EML6: variants seen among roughly 807,000 people sequenced by gnomAD.
The protein encoded by EML6 is echinoderm microtubule-associated protein-like 6.
EML6 carries 154 observed loss-of-function variants against 240.1 expected under a neutral mutation model. The observed-to-expected ratio is 0.64, with a 90% CI of 0.56 to 0.73. The LOEUF is 0.73. Among genes scored for constraint, EML6 ranks in the 30% least tolerant of loss-of-function variants. The pLI, the probability that EML6 is intolerant of heterozygous loss-of-function variation, is 0.00. For synonymous variants in EML6, 1,148 were observed against 899.0 expected, an observed-to-expected ratio of 1.28 and a Z score of -4.95; for missense variants, 2,964 against 2,474.6, an observed-to-expected ratio of 1.20 and a Z score of -4.20.
chr2:54,734,226 T>C (rs1431634390), intron 2 of EML6, among the ~76,000 whole-genome samples: 2 of 152,152 alleles, frequency 1.3e-5, no homozygotes, highest in African/African-American at 4.8e-5. Flanking sequence ...TAATCCCAGC[T>C]ACTCAAGAGG....
chr2:54,846,520 G>C (rs902559016), intron 8 of EML6, among the ~76,000 whole-genome samples: 17 of 145,592 alleles, frequency 1.2e-4, no homozygotes, highest in Non-Finnish European at 1.9e-4. Flanking sequence ...GCCTTGCTCT[G>C]TTTCCCAGGC....
At chr2:54,840,544 G>A (rs1036837840) in intron 7 of EML6, among the ~76,000 whole-genome samples, 1 of 152,156 alleles carries the variant, frequency 6.6e-6, no homozygotes, top group African/African-American at 2.4e-5. Flanking sequence ...AAGCTCCACT[G>A]TCAGGCACAG....
chr2:54,749,806 G>T (rs370284725), intron 2 of EML6, among the ~76,000 whole-genome samples: 8 of 152,254 alleles, frequency 5.3e-5, no homozygotes, highest in Admixed American at 5.2e-4. Flanking sequence ...CCTAATTTAC[G>T]TAATTGTCTG....
intron 17 of EML6, among the ~76,000 whole-genome samples, chr2:54,884,051 T>C (rs78570622): frequency 0.022 from 3,314 of 152,274 alleles, 111 homozygotes; most frequent in African/African-American, 0.072. Context: ...CAATTCTGTT[T>C]GCTGAGTATT....
intron 17 of EML6, 99 bp downstream of exon 17, chr2:54,879,739 G>A: frequency 1.3e-6 from 1 of 778,786 alleles, no homozygotes; most frequent in Non-Finnish European, 2.1e-6. Flanking sequence ...TTCAAACTCA[G>A]GTGAAATTGA....
chr2:54,758,012 A>G (rs1030688512), intron 2 of EML6, among the ~76,000 whole-genome samples: 3 of 152,014 alleles, frequency 2.0e-5, no homozygotes, highest in Non-Finnish European at 4.4e-5. Context: ...GCATAGATAA[A>G]TGCTTTAAAA....
intron 21 of EML6, among the ~76,000 whole-genome samples, chr2:54,899,220 A>G (rs528761085): frequency 3.3e-5 from 5 of 152,242 alleles, no homozygotes; most frequent in Admixed American, 2.0e-4. Flanking sequence ...CATCTTTTAG[A>G]ATATGATTTA....
intron 2 of EML6, among the ~76,000 whole-genome samples, chr2:54,727,193 CAGTT>C (rs1262365204): frequency 1.5e-5 from 2 of 137,318 alleles, no homozygotes; most frequent in African/African-American, 2.9e-5. Context: ...GAAAAAGAGA[CAGTT>C]AGCATCTGAT....
intron 3 of EML6, among the ~76,000 whole-genome samples, chr2:54,816,085 A>G (rs1668069654): frequency 1.3e-5 from 2 of 152,238 alleles, no homozygotes; most frequent in Non-Finnish European, 2.9e-5. Flanking sequence ...CTTATAGTTC[A>G]GATTTCTTAC....
At chr2:54,820,334 T>G (rs1668273980) in intron 4 of EML6, 60 bp from the exon 5 acceptor site, 1 of 1,078,314 alleles carries the variant, frequency 9.3e-7, no homozygotes. Flanking sequence ...TGGACTAGTA[T>G]TGGGAAAAGG....
Position 54,971,901 on chromosome 2 carries a change from T to C in EML6, c.*1806T>C, listed in dbSNP as rs1327360582. ...TGGTATGATTTTGATTTTATGTATG[T>C]TCATAAATCCTGCACTGTATGATAT... On this transcript the variant is annotated 3_prime_UTR_variant, in exon 42 of 42. Coordinates refer to ENST00000356458, the MANE Select transcript of EML6 (RefSeq NM_001039753.4). 1 of 152,274 alleles carries C rather than the reference T, an allele frequency of 6.6e-6. No homozygotes were observed. The highest frequency in any genetic ancestry group is 1.5e-5 in the Non-Finnish European group (1 of 68,050). 9.4% of individuals were successfully genotyped at this position (152,274 alleles called of 1,614,324 possible).
At chr2:54,829,511 G>A in intron 7 of EML6, 34 bp downstream of exon 7, 2 of 1,503,936 alleles carry the variant, frequency 1.3e-6, no homozygotes, top group South Asian at 2.5e-5. Context: ...TGTAACTCTG[G>A]ATGTGAAATA....
At chr2:54,938,565 CTG>C (rs1235280588) in intron 28 of EML6, among the ~76,000 whole-genome samples, 2 of 152,190 alleles carry the variant, frequency 1.3e-5, no homozygotes, top group Admixed American at 1.3e-4. Flanking sequence ...TTAGCAGAAT[CTG>C]AGTACATGCC....
intron 5 of EML6, among the ~76,000 whole-genome samples, chr2:54,825,340 T>C (rs937940395): frequency 1.3e-5 from 2 of 152,208 alleles, no homozygotes. Context: ...GCTTAAATGT[T>C]TTCCAAAGCT....
At chr2:54,936,877 C>A (rs1675159818) in intron 28 of EML6, among the ~76,000 whole-genome samples, 1 of 152,090 alleles carries the variant, frequency 6.6e-6, no homozygotes, top group South Asian at 2.1e-4. Context: ...ATTCCAAACT[C>A]ACCTAAAGCA....
At chr2:54,738,562 C>G (rs1180812800) in intron 2 of EML6, among the ~76,000 whole-genome samples, 1 of 152,194 alleles carries the variant, frequency 6.6e-6, no homozygotes, top group Admixed American at 6.5e-5. Context: ...ACCTCATGCC[C>G]TTTTCCAGTG....
intron 2 of EML6, among the ~76,000 whole-genome samples, chr2:54,800,392 T>C (rs1437055317): frequency 6.6e-6 from 1 of 152,142 alleles, no homozygotes; most frequent in Non-Finnish European, 1.5e-5. Context: ...GAATAAACTT[T>C]AGCCACACAC....
intron 2 of EML6, among the ~76,000 whole-genome samples, chr2:54,762,061 G>C (rs1668004439): frequency 6.6e-6 from 1 of 151,998 alleles, no homozygotes; most frequent in Admixed American, 6.6e-5. Flanking sequence ...TGCCTTTAGG[G>C]CAATTTTTTT....
chr2:54,820,338 G>C, intron 4 of EML6, 56 bp from the exon 5 acceptor site: 13 of 1,238,968 alleles, frequency 1.0e-5, no homozygotes, highest in Non-Finnish European at 1.5e-5. Flanking sequence ...CTAGTATTGG[G>C]AAAAGGCAAA....
Sources: allele counts gnomAD v4.1 joint callset (sites outside exome capture counted in the v4.1 genomes callset), GRCh38; gene constraint gnomAD v4.1.1; transcripts MANE v1.5; gene names NCBI Gene and HGNC (gene_info 2026-07-23, HGNC 2026-07-21).